CADM1: variants seen among roughly 807,000 people sequenced by gnomAD.
The protein encoded by CADM1 is TSLC-1.
CADM1 carries 15 observed loss-of-function variants against 53.1 expected under a neutral mutation model. The ratio of observed to expected loss-of-function variants is 0.28; its 90% confidence interval spans 0.19 to 0.44. CADM1 has a LOEUF of 0.44. Among genes scored for constraint, CADM1 ranks in the 20% least tolerant of loss-of-function variants. The pLI is 1.00. For missense variants in CADM1, 434 were observed against 611.3 expected (o/e 0.71, Z 3.06); for synonymous variants, 281 against 243.0 (o/e 1.16, Z -1.45).
intron 1 of CADM1, among the ~76,000 whole-genome samples, chr11:115,503,466 G>A (rs1205502878): frequency 6.6e-6 from 1 of 152,142 alleles, no homozygotes; most frequent in Non-Finnish European, 1.5e-5. Context: ...ACGGGCAGCC[G>A]GGAAATCCCG....
chr11:115,374,008 C>G (rs370532967), intron 1 of CADM1, among the ~76,000 whole-genome samples: 4 of 152,130 alleles, frequency 2.6e-5, no homozygotes, highest in South Asian at 4.1e-4. Flanking sequence ...GTTCTGTACA[C>G]TAAAAAGATC....
chr11:115,491,725 G>A (rs1182235926), intron 1 of CADM1, among the ~76,000 whole-genome samples: 2 of 152,158 alleles, frequency 1.3e-5, no homozygotes, highest in Non-Finnish European at 2.9e-5. Flanking sequence ...ATGGTAGACT[G>A]GATTAAGAAA....
At chr11:115,492,719 T>C (rs1357697302) in intron 1 of CADM1, among the ~76,000 whole-genome samples, 1 of 152,008 alleles carries the variant, frequency 6.6e-6, no homozygotes, top group East Asian at 1.9e-4. Context: ...GTTTTCACCA[T>C]GGGAGAAAGA....
intron 1 of CADM1, among the ~76,000 whole-genome samples, chr11:115,242,482 T>C (rs1248737983): frequency 3.3e-5 from 5 of 152,000 alleles, no homozygotes; most frequent in African/African-American, 4.8e-5. Flanking sequence ...ACCAATCAAG[T>C]GAGGTTTTCA....
At chr11:115,191,984 C>T (rs1263035950) in intron 9 of CADM1, among the ~76,000 whole-genome samples, 1 of 152,178 alleles carries the variant, frequency 6.6e-6, no homozygotes, top group African/African-American at 2.4e-5. Flanking sequence ...TTCCCTTCTG[C>T]TACAGCCAAC....
chr11:115,299,916 G>C (rs1944175542), intron 1 of CADM1, among the ~76,000 whole-genome samples: 1 of 152,054 alleles, frequency 6.6e-6, no homozygotes, highest in South Asian at 2.1e-4. Flanking sequence ...TCAATGTTCA[G>C]ACATTAACAA....
chr11:115,195,411 AT>A (rs1180280400), intron 9 of CADM1, among the ~76,000 whole-genome samples: 2 of 152,182 alleles, frequency 1.3e-5, no homozygotes, highest in African/African-American at 2.4e-5. Flanking sequence ...AAAAATTTTT[AT>A]TTTTTCTTTT....
chr11:115,323,650 G>T (rs971923308), intron 1 of CADM1, among the ~76,000 whole-genome samples: 1 of 152,172 alleles, frequency 6.6e-6, no homozygotes, highest in African/African-American at 2.4e-5. Flanking sequence ...TCAGATGAAG[G>T]AAGTTCACGA....
chr11:115,230,590 T>C (rs1179173403), intron 4 of CADM1, among the ~76,000 whole-genome samples: 2 of 152,168 alleles, frequency 1.3e-5, no homozygotes, highest in Non-Finnish European at 2.9e-5. Flanking sequence ...ATAGGCTGTC[T>C]CCTTTATCTG....
intron 10 of CADM1, among the ~76,000 whole-genome samples, chr11:115,181,171 A>AG (rs1202519774): frequency 1.0e-4 from 10 of 96,964 alleles, no homozygotes; most frequent in Admixed American, 2.0e-4. Flanking sequence ...CTGAGGGGGG[A>AG]GGGGGGAGGG....
chr11:115,493,890 T>C (rs1302035921), intron 1 of CADM1, among the ~76,000 whole-genome samples: 1 of 152,164 alleles, frequency 6.6e-6, no homozygotes. Flanking sequence ...GTAATGGTTC[T>C]AGATTAAAAG....
intron 1 of CADM1, among the ~76,000 whole-genome samples, chr11:115,342,688 AATG>A (rs1210758040): frequency 2.6e-5 from 4 of 152,122 alleles, no homozygotes; most frequent in African/African-American, 9.7e-5. Flanking sequence ...TCTCTCTTCA[AATG>A]ATGTGTTTCC....
In CADM1 at chr11:115,495,600, A is replaced by T. The variant is rs148010615; in HGVS notation, c.124+8671T>A. On this transcript the variant is annotated intron_variant, in intron 1 of 11. Coordinates refer to ENST00000331581, the MANE Select transcript of CADM1 (RefSeq NM_001301043.2). ...CCAGTGATAATCCACCCTCTATGTT[A>T]TCTACCAAAATGCAAAATGTAACTA... Among the ~76,000 whole-genome samples the T allele has an allele frequency of 7.4e-3, 1,129 of 152,280 alleles. 50 individuals carry two copies. The highest frequency in any genetic ancestry group is 0.068 in the Admixed American group (1,035 of 15,294).
chr11:115,257,530 A>ACC (rs1433959032), intron 1 of CADM1, among the ~76,000 whole-genome samples: 4 of 152,188 alleles, frequency 2.6e-5, no homozygotes, highest in Non-Finnish European at 4.4e-5. Flanking sequence ...TAGCACTGTA[A>ACC]CCAGAGGAGC....
intron 1 of CADM1, among the ~76,000 whole-genome samples, chr11:115,307,492 C>T (rs1304053607): frequency 8.1e-6 from 1 of 123,520 alleles, no homozygotes; most frequent in Non-Finnish European, 1.6e-5. Flanking sequence ...AATGAATTTT[C>T]AACTATTTAA....
intron 1 of CADM1, among the ~76,000 whole-genome samples, chr11:115,416,559 A>G (rs1947602450): frequency 6.6e-6 from 1 of 152,170 alleles, no homozygotes; most frequent in African/African-American, 2.4e-5. Flanking sequence ...GCATCCTGGT[A>G]TCCTAGTATT....
At position 115,504,296 on chromosome 11, in the gene CADM1, G is replaced by A; in HGVS notation, c.99C>T (p.Phe33=). ...CTGTGGGGATCAGTGCCGCGGCGGA[G>A]AAGAGCAACAGCAGAAGCCGGAGCC... ...GLRLRLLLLL[F]SAAALIPTGD... Residue 33 remains phenylalanine, a synonymous_variant, in exon 1 of 12, where the codon TTC becomes TTT. Coordinates refer to ENST00000331581, the MANE Select transcript of CADM1 (RefSeq NM_001301043.2). The A allele has an allele frequency of 6.4e-7, 1 of 1,567,390 alleles. No homozygotes were observed. Among genetic ancestry groups the A allele is most frequent in the Non-Finnish European group, 8.6e-7 (1 of 1,156,844 alleles).
At chr11:115,460,510 G>T (rs1221066912) in intron 1 of CADM1, among the ~76,000 whole-genome samples, 2 of 152,118 alleles carry the variant, frequency 1.3e-5, no homozygotes, top group Admixed American at 1.3e-4. Context: ...TTCGCTACTG[G>T]ATTTACATAA....
chr11:115,422,062 T>A (rs941422743), intron 1 of CADM1, among the ~76,000 whole-genome samples: 1 of 152,134 alleles, frequency 6.6e-6, no homozygotes, highest in Non-Finnish European at 1.5e-5. Flanking sequence ...AGAAAATAAA[T>A]TAAAGGACAT....
Sources: gnomAD v4.1 joint callset for allele counts (sites outside exome capture counted in the v4.1 genomes callset) on GRCh38, gnomAD v4.1.1 for gene constraint, MANE v1.5 for transcripts, NCBI Gene and HGNC (gene_info 2026-07-23, HGNC 2026-07-21) for gene names.